PPM1L: variants seen among roughly 807,000 people sequenced by gnomAD.
PPM1L encodes protein phosphatase 1L.
Under a neutral mutation model 31.4 loss-of-function variants are expected in PPM1L, and 13 were observed. The ratio of observed to expected loss-of-function variants is 0.41; its 90% CI spans 0.27 to 0.66. The LOEUF is 0.66. PPM1L is among the 30% of genes least tolerant of loss of function. PPM1L has a pLI of 0.29. For synonymous variants in PPM1L, 184 were observed against 175.4 expected, an observed-to-expected ratio of 1.05 and a Z score of -0.39; for missense variants, 326 against 453.7, an observed-to-expected ratio of 0.72 and a Z score of 2.56.
chr3:160,952,394 A>G (rs1286285690), intron 1 of PPM1L, among the ~76,000 whole-genome samples: 1 of 152,218 alleles, frequency 6.6e-6, no homozygotes, highest in Non-Finnish European at 1.5e-5. Context: ...CTTGCCTGCA[A>G]TAAAATATTA....
chr3:161,021,470 C>A (rs1217080819), intron 2 of PPM1L, among the ~76,000 whole-genome samples: 4 of 151,960 alleles, frequency 2.6e-5, no homozygotes, highest in Admixed American at 6.6e-5. Flanking sequence ...CCTGTGTATA[C>A]CTGATAAGAA....
At chr3:160,861,186 T>C (rs929964965) in intron 1 of PPM1L, among the ~76,000 whole-genome samples, 1 of 152,208 alleles carries the variant, frequency 6.6e-6, no homozygotes, top group Non-Finnish European at 1.5e-5. Context: ...TCGTTGCCAC[T>C]GTGCAGCACC....
At chr3:160,852,063 G>T (rs557363867) in intron 1 of PPM1L, among the ~76,000 whole-genome samples, 2 of 152,148 alleles carry the variant, frequency 1.3e-5, no homozygotes, top group Non-Finnish European at 2.9e-5. Context: ...TCTTCAGGGC[G>T]AATGAAGATT....
In PPM1L at chr3:161,069,040, T is replaced by C. The variant is rs1404591873; in HGVS notation, c.966T>C (p.Asp322=). The stretch of plus-strand genomic sequence containing the variant: ...TTCGATTCATCAAGGAGCGCTTGGA[T>C]GAACCTCACTTTGGGGCCAAGAGCA... ...EAVRFIKERL[D]EPHFGAKSIV... The change falls in exon 4 of 4, where the codon GAT becomes GAC. Residue 322 remains aspartate (D), a synonymous_variant. Transcript: ENST00000498165. The C allele has an allele frequency of 6.2e-7, 1 of 1,614,216 alleles. No homozygotes were observed. The highest frequency in any genetic ancestry group is 2.2e-5 in the East Asian group (1 of 44,880).
intron 1 of PPM1L, among the ~76,000 whole-genome samples, chr3:160,921,306 T>A (rs1262891178): frequency 2.0e-5 from 3 of 152,098 alleles, no homozygotes; most frequent in African/African-American, 7.2e-5. Context: ...AGGCAGTGAG[T>A]GATATGAGAT....
At position 160,858,278 on chromosome 3, in the gene PPM1L, G is replaced by A. The variant is rs558701208; in HGVS notation, c.399+101571G>A. Among the ~76,000 whole-genome samples, 9 of 149,578 alleles carry A rather than the reference G, an allele frequency of 6.0e-5. No homozygotes were observed. In the East Asian group the frequency reaches 1.6e-3, roughly 26 times the overall value. On this transcript the variant is annotated intron_variant, in intron 1 of 3. Coordinates refer to ENST00000498165, the MANE Select transcript of PPM1L (RefSeq NM_139245.4). ...TTTTTTTTCTTTTTTCTTTCTTCTC[G>A]CTCTGTCATCCAGGCTGGAGTGCAA...
rs1470008592 is a variant in PPM1L, at chr3:161,077,269, A to AGAT, written c.*8113_*8115dup. The stretch of plus-strand genomic sequence containing the variant: ...TGCCAACACTCAAGCAAACTGCAGA[A>AGAT]GATAATTACTCCATTTTACTAGCTC... On this transcript the variant is annotated 3_prime_UTR_variant, in exon 4 of 4. Transcript: ENST00000498165. 3.9e-5 allele frequency: 6 copies of AGAT among 152,314 alleles called. No individual in the cohort carries two copies. The East Asian group carries it at 1.2e-3, about 29-fold the overall frequency. 9.4% of individuals were successfully genotyped at this position (152,314 alleles called of 1,614,324 possible).
At chr3:160,814,605 GTATA>G (rs763286003) in intron 1 of PPM1L, among the ~76,000 whole-genome samples, 3 of 122,500 alleles carry the variant, frequency 2.4e-5, no homozygotes, top group Non-Finnish European at 5.0e-5. Context: ...GTATGTATGT[GTATA>G]TATATACACA....
chr3:160,846,091 A>G (rs541288217), intron 1 of PPM1L, among the ~76,000 whole-genome samples: 1 of 152,286 alleles, frequency 6.6e-6, no homozygotes, highest in African/African-American at 2.4e-5. Flanking sequence ...TTATCTTCCA[A>G]TAAAGAAAAT....
intron 1 of PPM1L, among the ~76,000 whole-genome samples, chr3:160,760,549 T>C (rs1223067338): frequency 6.6e-6 from 1 of 152,178 alleles, no homozygotes; most frequent in Non-Finnish European, 1.5e-5. Flanking sequence ...GGTATGGCAG[T>C]GATTGTCTTC....
chr3:161,048,073 C>G (rs1719140748), intron 2 of PPM1L, among the ~76,000 whole-genome samples: 1 of 152,148 alleles, frequency 6.6e-6, no homozygotes, highest in South Asian at 2.1e-4. Context: ...CAACAAAAGC[C>G]AAAATTGACA....
chr3:160,894,096 A>G (rs757878176), intron 1 of PPM1L, among the ~76,000 whole-genome samples: 28 of 152,190 alleles, frequency 1.8e-4, no homozygotes, highest in Non-Finnish European at 2.4e-4. Context: ...GATATTTTCA[A>G]TGTATGATGG....
At chr3:160,994,990 G>T (rs1717261581) in intron 2 of PPM1L, among the ~76,000 whole-genome samples, 1 of 152,136 alleles carries the variant, frequency 6.6e-6, no homozygotes, top group African/African-American at 2.4e-5. Flanking sequence ...AGGATGATAG[G>T]ATATAAATTT....
intron 2 of PPM1L, among the ~76,000 whole-genome samples, chr3:161,007,142 T>C (rs1717739025): frequency 6.6e-6 from 1 of 152,158 alleles, no homozygotes; most frequent in Non-Finnish European, 1.5e-5. Flanking sequence ...ATTCCTACAC[T>C]CAACGACCTA....
intron 1 of PPM1L, among the ~76,000 whole-genome samples, chr3:160,769,340 A>C (rs62272814): frequency 6.6e-6 from 1 of 152,230 alleles, no homozygotes; most frequent in Non-Finnish European, 1.5e-5. Context: ...TGTAAAGTGT[A>C]TAACACTGAT....
chr3:160,984,373 T>C (rs1463690773), intron 2 of PPM1L, among the ~76,000 whole-genome samples: 1 of 152,210 alleles, frequency 6.6e-6, no homozygotes, highest in East Asian at 1.9e-4. Context: ...AGCCAGACTT[T>C]AAGGTTATCT....
intron 2 of PPM1L, among the ~76,000 whole-genome samples, chr3:161,003,643 C>T (rs548733030): frequency 1.6e-4 from 24 of 152,186 alleles, no homozygotes; most frequent in African/African-American, 5.8e-4. Flanking sequence ...CTCTGTTTGT[C>T]TGTTGTTGGT....
chr3:160,983,867 C>T (rs560481533), intron 2 of PPM1L, among the ~76,000 whole-genome samples: 18 of 152,246 alleles, frequency 1.2e-4, no homozygotes, highest in African/African-American at 3.9e-4. Context: ...AGCCACAAAA[C>T]CAGCAAGTTT....
At chr3:160,977,180 T>C (rs1716618346) in intron 2 of PPM1L, among the ~76,000 whole-genome samples, 1 of 152,222 alleles carries the variant, frequency 6.6e-6, no homozygotes, top group African/African-American at 2.4e-5. Context: ...TTTCCTTAGT[T>C]GATAAGTTTG....
Sources: allele counts gnomAD v4.1 joint callset (sites outside exome capture counted in the v4.1 genomes callset), GRCh38; gene constraint gnomAD v4.1.1; transcripts MANE v1.5; gene names NCBI Gene and HGNC (gene_info 2026-07-23, HGNC 2026-07-21).